The following APLP2 variants were observed in gnomAD, a reference collection of about 807,000 sequenced individuals.
APLP2 encodes amyloid beta precursor like protein 2, also known as CDEI box-binding protein.
Under a neutral mutation model 89.9 loss-of-function variants are expected in APLP2, and 53 were observed. The observed-to-expected ratio is 0.59, with a 90% CI of 0.47 to 0.74. APLP2 has a LOEUF of 0.74. Ranked by LOEUF, APLP2 falls within the 30% of genes least tolerant of loss-of-function variation. The pLI is 0.00. For synonymous variants in APLP2, 372 were observed against 348.6 expected (o/e 1.07, Z -0.75); for missense variants, 973 against 975.9 (o/e 1.00, Z 0.04).
intron 1 of APLP2, among the ~76,000 whole-genome samples, chr11:130,077,313 A>G (rs1276462031): frequency 2.0e-5 from 3 of 152,246 alleles, no homozygotes; most frequent in African/African-American, 7.2e-5. Flanking sequence ...TTGACATGAC[A>G]GGTGAGTGGA....
chr11:130,070,661 C>G, intron 1 of APLP2: 1 of 1,476,700 alleles, frequency 6.8e-7, no homozygotes, highest in Middle Eastern at 1.9e-4. Flanking sequence ...CCGCTGCTCC[C>G]TCTGCCGCCT....
At chr11:130,107,762 T>C (rs1947981311) in intron 1 of APLP2, among the ~76,000 whole-genome samples, 2 of 152,162 alleles carry the variant, frequency 1.3e-5, no homozygotes, top group South Asian at 4.1e-4. Context: ...GCCAAGTCAA[T>C]CCTAAGCCAA....
intron 11 of APLP2, 65 bp from the exon 12 acceptor site, chr11:130,133,564 G>T (rs1951175088): frequency 1.7e-6 from 2 of 1,204,050 alleles, no homozygotes; most frequent in Middle Eastern, 1.9e-4. Context: ...TGTTCCAGCT[G>T]CAAGTTCCCT....
chr11:130,095,095 G>A (rs571090750), intron 1 of APLP2, among the ~76,000 whole-genome samples: 124 of 89,094 alleles, frequency 1.4e-3, no homozygotes, highest in African/African-American at 7.2e-3. Flanking sequence ...ATCACAGTAC[G>A]CTTTTATGTT....
chr11:130,116,811 A>G (rs1171803779), intron 3 of APLP2, among the ~76,000 whole-genome samples: 2 of 152,130 alleles, frequency 1.3e-5, no homozygotes, highest in East Asian at 1.9e-4. Context: ...TTGTTGAATC[A>G]AAGAGTACTG....
At chr11:130,098,512 T>C (rs148848065) in intron 1 of APLP2, among the ~76,000 whole-genome samples, 15 of 152,358 alleles carry the variant, frequency 9.8e-5, no homozygotes, top group South Asian at 2.1e-4. Flanking sequence ...ATCTCTGACA[T>C]TGGTTATTCA....
intron 1 of APLP2, among the ~76,000 whole-genome samples, chr11:130,080,863 AT>A (rs376475394): frequency 6.6e-6 from 1 of 151,346 alleles, no homozygotes; most frequent in Non-Finnish European, 1.5e-5. Flanking sequence ...TGCCTGGCTA[AT>A]TTTTTTTAAT....
intron 1 of APLP2, among the ~76,000 whole-genome samples, chr11:130,071,889 T>G (rs1441722462): frequency 6.6e-6 from 1 of 152,238 alleles, no homozygotes; most frequent in Non-Finnish European, 1.5e-5. Flanking sequence ...TATCAGAATT[T>G]TATTCATATG....
intron 1 of APLP2, 91 bp downstream of exon 1, chr11:130,070,173 G>A: frequency 1.2e-6 from 1 of 846,692 alleles, no homozygotes; most frequent in Non-Finnish European, 1.5e-6. Flanking sequence ...CGGCAGGGCG[G>A]GCCGGCGGTG....
intron 13 of APLP2, among the ~76,000 whole-genome samples, chr11:130,139,924 G>A (rs1952138189): frequency 6.6e-6 from 1 of 152,134 alleles, no homozygotes; most frequent in African/African-American, 2.4e-5. Context: ...TTTAGGTTGG[G>A]GAGGGTATTT....
At chr11:130,137,867 A>G (rs1356758480) in intron 13 of APLP2, among the ~76,000 whole-genome samples, 1 of 152,252 alleles carries the variant, frequency 6.6e-6, no homozygotes, top group Non-Finnish European at 1.5e-5. Context: ...GTTTTCAAAA[A>G]GAGTTAACGT....
intron 7 of APLP2, among the ~76,000 whole-genome samples, chr11:130,125,020 T>G (rs947346453): frequency 6.6e-6 from 1 of 152,228 alleles, no homozygotes; most frequent in Non-Finnish European, 1.5e-5. Context: ...AAACTCCCGT[T>G]TGCTGTGGCT....
Position 130,137,279 on chromosome 11 carries a change from C to A in APLP2, c.1837+1564C>A, listed in dbSNP as rs1378440478. 2 of 1,614,004 alleles carry A rather than the reference C, an allele frequency of 1.2e-6. No individual in the cohort carries two copies. The highest frequency in any genetic ancestry group is 3.3e-5 in the Admixed American group (2 of 60,014). ...AGACACTCAGCCGGAGTTGTACCACCCAATGAAAAAAGGTTGGTTTGTCCA... is the reference window on the plus strand; with the variant it reads ...AGACACTCAGCCGGAGTTGTACCACACAATGAAAAAAGGTTGGTTTGTCCA... On this transcript the variant is annotated intron_variant, in intron 13 of 16. Coordinates refer to ENST00000338167, the MANE Select transcript of APLP2 (RefSeq NM_001142276.2).
intron 10 of APLP2, among the ~76,000 whole-genome samples, 187 bp downstream of exon 10, chr11:130,129,393 G>A (rs950318360): frequency 6.6e-6 from 1 of 152,216 alleles, no homozygotes; most frequent in Non-Finnish European, 1.5e-5. Flanking sequence ...GCATGACATC[G>A]CTTTATGCCT....
intron 1 of APLP2, among the ~76,000 whole-genome samples, chr11:130,083,370 C>T (rs1943570438): frequency 7.2e-6 from 1 of 139,364 alleles, no homozygotes; most frequent in African/African-American, 3.2e-5. Context: ...GAACACTTAA[C>T]ATGAGATCTA....
intron 3 of APLP2, among the ~76,000 whole-genome samples, chr11:130,116,772 A>G (rs1275053752): frequency 6.6e-6 from 1 of 152,134 alleles, no homozygotes; most frequent in Non-Finnish European, 1.5e-5. Flanking sequence ...GCGTCCAGAC[A>G]TCCTTAGGGT....
chr11:130,137,936 G>A (rs960420108), intron 13 of APLP2, among the ~76,000 whole-genome samples: 17 of 152,188 alleles, frequency 1.1e-4, no homozygotes, highest in African/African-American at 3.4e-4. Context: ...TCCACTGAAC[G>A]TCCCTGTAGG....
chr11:130,137,234 T>C lies in APLP2; in HGVS notation c.1837+1519T>C. The C allele has an allele frequency of 1.9e-6, 3 of 1,613,104 alleles. No homozygotes were observed. In the Middle Eastern group the frequency reaches 4.9e-4, roughly 266 times the overall value. On this transcript the variant is annotated intron_variant, in intron 13 of 16. Coordinates refer to ENST00000338167, the MANE Select transcript of APLP2 (RefSeq NM_001142276.2). ...CTTTTGTGCTATTTTATTTTGTTTTTTATTGTTTTCCTTTCTGCTAGACAC... is the reference window on the plus strand; with the variant it reads ...CTTTTGTGCTATTTTATTTTGTTTTCTATTGTTTTCCTTTCTGCTAGACAC...
rs1374684943 is a variant in APLP2 at position 130,143,374 on chromosome 11, C to G, written c.2182C>G (p.Arg728Gly). 6.2e-7 allele frequency: 1 copy of G among 1,614,070 alleles called. No individual in the cohort carries two copies. The highest frequency in any genetic ancestry group is 2.2e-5 in the East Asian group (1 of 44,878). ...EVDPMLTPEE[R>G]HLNKMQNHGY... ...TGATCCAATGCTCACCCCAGAAGAG[C>G]GTCACCTGAACAAGATGCAGAACCA... The change falls in exon 17 of 17, where the codon CGT (arginine) becomes GGT (glycine). Residue 728 changes from arginine (R) to glycine (G), a missense_variant. Coordinates refer to ENST00000338167, the MANE Select transcript of APLP2 (RefSeq NM_001142276.2).
Sources: gnomAD v4.1 joint callset for allele counts (sites outside exome capture counted in the v4.1 genomes callset) on GRCh38, gnomAD v4.1.1 for gene constraint, MANE v1.5 for transcripts, NCBI Gene and HGNC (gene_info 2026-07-23, HGNC 2026-07-21) for gene names.